Variants in CDH23 observed in about 807,000 individuals in gnomAD.
CDH23 encodes cadherin-23.
CDH23 carries 189 observed loss-of-function variants against 317.1 expected under a neutral mutation model. That is an observed-to-expected ratio of 0.60 (90% CI 0.53 to 0.67). The LOEUF (loss-of-function observed/expected upper bound fraction) is 0.67, where lower values mean the gene tolerates loss of function less well. Ranked by LOEUF, CDH23 falls within the 30% of genes least tolerant of loss-of-function variation. The pLI is 0.00. For missense variants in CDH23, 4,401 were observed against 4,592.4 expected (o/e 0.96, Z 1.20); for synonymous variants, 1,839 against 1,876.8 (o/e 0.98, Z 0.52).
intron 3 of CDH23, among the ~76,000 whole-genome samples, chr10:71,498,501 C>T (rs1222733260): frequency 6.6e-6 from 1 of 152,212 alleles, no homozygotes; most frequent in Non-Finnish European, 1.5e-5. Context: ...TGTAGGTCTG[C>T]CCGCTGGACT....
chr10:71,619,698 G>C (rs1176165887), intron 11 of CDH23, among the ~76,000 whole-genome samples: 1 of 152,224 alleles, frequency 6.6e-6, no homozygotes, highest in African/African-American at 2.4e-5. Context: ...GGCCACAGCA[G>C]GCCATAATCC....
In CDH23 at chr10:71,791,173, G is replaced by A. The variant is rs368381520; in HGVS notation, c.6091G>A (p.Ala2031Thr). ...GTCAGGTGTCATCATTGACCGGGAGGCATTCTCGCCACCCATCCTGGAGCT... is the reference window on the plus strand; with the variant it reads ...GTCAGGTGTCATCATTGACCGGGAGACATTCTCGCCACCCATCCTGGAGCT... ...VRSGVIIDRE[A>T]FSPPILELLL... The change falls in exon 47 of 70, where the codon GCA becomes ACA. Residue 2031 changes from alanine (A) to threonine (T), a missense_variant. Around this residue, in one of 3 missense-constraint regions of CDH23, gnomAD observed 3,068 missense variants for 3,203.3 expected, o/e 0.96. Transcript: ENST00000224721. 42 of 1,612,634 alleles carry A rather than the reference G, an allele frequency of 2.6e-5. No individual in the cohort carries two copies. Among genetic ancestry groups the A allele is most frequent in the Non-Finnish European group, 3.2e-5 (38 of 1,179,502 alleles).
chr10:71,646,233 C>T (rs1862850517), intron 13 of CDH23, among the ~76,000 whole-genome samples: 1 of 152,202 alleles, frequency 6.6e-6, no homozygotes, highest in African/African-American at 2.4e-5. Context: ...TGCAACCCAT[C>T]TCCTGCCAGA....
rs1371289454 is a variant in CDH23, at chr10:71,807,386, T to C, written c.8288T>C (p.Ile2763Thr). The C allele has an allele frequency of 1.2e-6, 2 of 1,613,870 alleles. No individual in the cohort carries two copies. The highest frequency in any genetic ancestry group is 1.7e-5 in the Admixed American group (1 of 60,006). The stretch of plus-strand genomic sequence containing the variant: ...GATGCAGATGAGGGCCCCAACGCGA[T>C]CGTGTACTACTTCATCGCAGGTGGG... ...AVDADEGPNA[I>T]VYYFIAAGNE... The change falls in exon 58 of 70, where the codon ATC (isoleucine) becomes ACC (threonine). Residue 2763 changes from isoleucine (I) to threonine (T), a missense_variant. Coordinates refer to ENST00000224721, the MANE Select transcript of CDH23 (RefSeq NM_022124.6).
At chr10:71,468,774 C>T (rs1320079943) in intron 3 of CDH23, among the ~76,000 whole-genome samples, 1 of 152,236 alleles carries the variant, frequency 6.6e-6, no homozygotes, top group African/African-American at 2.4e-5. Context: ...AAACACGCTC[C>T]CCTGCATAGT....
chr10:71,675,905 T>TTTA (rs1481462394), intron 15 of CDH23, among the ~76,000 whole-genome samples: 1 of 146,562 alleles, frequency 6.8e-6, no homozygotes, highest in Non-Finnish European at 1.5e-5. Flanking sequence ...CCCTCTAACT[T>TTTA]TTTTTTTTTT....
intron 17 of CDH23, among the ~76,000 whole-genome samples, chr10:71,680,823 C>CTTTT (rs1864605905): frequency 9.7e-5 from 4 of 41,438 alleles, no homozygotes; most frequent in Non-Finnish European, 1.6e-4. Flanking sequence ...TTTTTTTTTT[C>CTTTT]TTTTTCTTTT....
At chr10:71,790,186 C>G in intron 45 of CDH23, 102 bp from the exon 46 acceptor site, 2 of 1,487,828 alleles carry the variant, frequency 1.3e-6, no homozygotes, top group Non-Finnish European at 1.8e-6. Flanking sequence ...CCTCCCTCCC[C>G]TCTCATCCAT....
chr10:71,680,894 T>C (rs1864615070), intron 17 of CDH23, among the ~76,000 whole-genome samples: 1 of 135,052 alleles, frequency 7.4e-6, no homozygotes, highest in African/African-American at 2.7e-5. Flanking sequence ...AGTGGCTCGA[T>C]CTCGGCTCAT....
At chr10:71,714,264 G>C (rs1357211203) in intron 28 of CDH23, 1 of 152,124 alleles carries the variant, frequency 6.6e-6, no homozygotes, top group Non-Finnish European at 1.5e-5. Context: ...TGTTATGCCA[G>C]CTTCCACCAA....
chr10:71,532,428 C>T (rs1326026372), intron 6 of CDH23, among the ~76,000 whole-genome samples: 3 of 152,170 alleles, frequency 2.0e-5, no homozygotes, highest in Admixed American at 6.6e-5. Flanking sequence ...TCTTTAGGAG[C>T]ACTGAGCGTC....
In CDH23 at chr10:71,397,990, G is replaced by A. The variant is rs1847602484; in HGVS notation, c.-6+672G>A. On this transcript the variant is annotated intron_variant, in intron 1 of 69. Coordinates refer to ENST00000224721, the MANE Select transcript of CDH23 (RefSeq NM_022124.6). The surrounding 1 kb of genome is among the most constrained non-coding windows in gnomAD (Gnocchi z 4.8). ...CTGGAACTGGTCCGCTACGAGCGGT[G>A]CTGGCTGCCCCCAGGAGCTGGCACC... Among the ~76,000 whole-genome samples the A allele has an allele frequency of 6.6e-6, 1 of 152,236 alleles. No homozygotes were observed. The highest frequency in any genetic ancestry group is 1.5e-5 in the Non-Finnish European group (1 of 68,040).
In CDH23 at chr10:71,741,033, G is replaced by A. The variant is rs1051235427; in HGVS notation, c.4617+83G>A. ...CCAACCATGCAGCCCCTGTTTAAAT[G>A]TCTGCCTGGCCCACTGGTCCCTCAG... On this transcript the variant is annotated intron_variant, in intron 37 of 69. Transcript: ENST00000224721. 2.6e-6 allele frequency: 4 copies of A among 1,529,792 alleles called. No homozygotes were observed. The African/African-American group carries it at 5.5e-5, about 21-fold the overall frequency. The allele number at this position is 1,529,792 out of a possible 1,614,324, so 94.8% of individuals were successfully genotyped here. A position where few individuals can be genotyped will look rare whatever the true frequency, so the allele number is the denominator to read the frequency against.
intron 68 of CDH23, 139 bp from the exon 69 acceptor site, chr10:71,813,105 C>A: frequency 9.0e-7 from 1 of 1,106,810 alleles, no homozygotes; most frequent in Admixed American, 2.1e-5. Context: ...GCCACTGTCT[C>A]CAGGCTCTGC....
chr10:71,626,228 A>G (rs1016685084), intron 11 of CDH23, among the ~76,000 whole-genome samples: 1 of 152,174 alleles, frequency 6.6e-6, no homozygotes, highest in African/African-American at 2.4e-5. Context: ...CCTGGGCTTC[A>G]CCAGACTCTC....
At chr10:71,445,734 G>A (rs750469346) in intron 2 of CDH23, among the ~76,000 whole-genome samples, 8 of 151,238 alleles carry the variant, frequency 5.3e-5, no homozygotes, top group Non-Finnish European at 8.8e-5. Context: ...TGTGGTCCCA[G>A]CTAATTGGGA....
intron 3 of CDH23, among the ~76,000 whole-genome samples, chr10:71,472,701 AG>A (rs1851581431): frequency 6.6e-6 from 1 of 152,064 alleles, no homozygotes; most frequent in African/African-American, 2.4e-5. Flanking sequence ...TTGCCAAGGG[AG>A]GGGTCTGGAG....
At chr10:71,586,081 C>T (rs1859041233) in intron 9 of CDH23, among the ~76,000 whole-genome samples, 1 of 152,166 alleles carries the variant, frequency 6.6e-6, no homozygotes, top group Non-Finnish European at 1.5e-5. Context: ...GAGTCCACTT[C>T]CCCAGCTGGG....
intron 27 of CDH23, 27 bp downstream of exon 27, chr10:71,709,238 C>A (rs777885443): frequency 9.4e-6 from 15 of 1,589,056 alleles, no homozygotes; most frequent in Non-Finnish European, 1.3e-5. Flanking sequence ...CACCCACCAA[C>A]ACAGTGATCT....
Sources: allele counts gnomAD v4.1 joint callset (sites outside exome capture counted in the v4.1 genomes callset), GRCh38; gene constraint gnomAD v4.1.1; regional missense constraint gnomAD v4.1.1; non-coding constraint Gnocchi (gnomAD v3.1); transcripts MANE v1.5; gene names NCBI Gene and HGNC (gene_info 2026-07-23, HGNC 2026-07-21).